Variants in SORBS2 observed in about 807,000 individuals in gnomAD.
SORBS2 encodes the protein sorbin and SH3 domain containing 2.
SORBS2 carries 46 observed loss-of-function variants against 97.7 expected under a neutral mutation model. The ratio of observed to expected loss-of-function variants is 0.47; its 90% CI spans 0.37 to 0.60. SORBS2 has a LOEUF of 0.60. SORBS2 is among the 20% of genes least tolerant of loss of function. The pLI is 0.00. For synonymous variants in SORBS2, 476 were observed against 473.4 expected (o/e 1.01, Z -0.07); for missense variants, 1,316 against 1,282.3 (o/e 1.03, Z -0.40).
chr4:185,774,025 A>G (rs2098987353), intron 2 of SORBS2: 1 of 150,486 alleles, frequency 6.6e-6, no homozygotes, highest in Non-Finnish European at 1.5e-5. Flanking sequence ...TACTCAGACG[A>G]TCCTTATGTG....
intron 1 of SORBS2, among the ~76,000 whole-genome samples, chr4:185,831,787 T>C (rs1002672604): frequency 3.3e-5 from 5 of 152,192 alleles, no homozygotes; most frequent in African/African-American, 9.6e-5. Flanking sequence ...TCTGAGATGT[T>C]ACCAGTGCTT....
In SORBS2 at chr4:185,602,393, ATACAT is replaced by A. The variant is rs369115700; in HGVS notation, c.2797-8463_2797-8459del. Among the ~76,000 whole-genome samples the A allele has an allele frequency of 3.3e-4, 50 of 152,362 alleles. 1 individual carries two copies. The East Asian group carries it at 7.7e-3, about 23-fold the overall frequency. Reference sequence around the variant, plus strand: ...TGGGGGAAATATTGGATTCAGATTTATACATTAAACATAATTTATGTATCTTTCAG... The same window carrying A: ...TGGGGGAAATATTGGATTCAGATTTATAAACATAATTTATGTATCTTTCAG... On this transcript the variant is annotated intron_variant, in intron 12 of 14. Coordinates refer to ENST00000418609, the Ensembl canonical transcript of SORBS2.
intron 1 of SORBS2, among the ~76,000 whole-genome samples, chr4:185,952,809 T>C (rs1181155640): frequency 6.6e-6 from 1 of 152,162 alleles, no homozygotes; most frequent in Non-Finnish European, 1.5e-5. Flanking sequence ...TTTCCTCTAG[T>C]TTATTCCCCT....
intron 1 of SORBS2, among the ~76,000 whole-genome samples, chr4:185,917,589 A>C (rs572178778): frequency 6.6e-6 from 1 of 152,270 alleles, no homozygotes; most frequent in African/African-American, 2.4e-5. Context: ...CACTCTAGTA[A>C]ATTAATCAAA....
chr4:185,794,203 C>A (rs1446945781), intron 1 of SORBS2, among the ~76,000 whole-genome samples: 1 of 151,804 alleles, frequency 6.6e-6, no homozygotes, highest in Admixed American at 6.6e-5. Context: ...TAAAAATAAC[C>A]AGGTAAAGAA....
intron 12 of SORBS2, among the ~76,000 whole-genome samples, chr4:185,600,464 G>A (rs553788171): frequency 6.6e-6 from 1 of 152,146 alleles, no homozygotes; most frequent in East Asian, 1.9e-4. Flanking sequence ...TCAGCCTCCC[G>A]AGTAGCTGGG....
intron 13 of SORBS2, chr4:185,592,120 G>A (rs944314649): frequency 1.3e-5 from 2 of 152,380 alleles, no homozygotes; most frequent in East Asian, 1.9e-4. Flanking sequence ...AAAGAAAGGT[G>A]TCTTTTAAAC....
chr4:185,676,905 G>A (rs540473807), intron 4 of SORBS2: 1 of 992,308 alleles, frequency 1.0e-6, no homozygotes, highest in African/African-American at 1.6e-5. Flanking sequence ...AACTAAGAAA[G>A]CATTAGGTCA....
chr4:185,804,495 G>A (rs969854793), intron 1 of SORBS2, among the ~76,000 whole-genome samples: 2 of 152,158 alleles, frequency 1.3e-5, no homozygotes, highest in African/African-American at 4.8e-5. Flanking sequence ...CTAAGACAAA[G>A]CGATTCAATG....
At chr4:185,683,954 C>A (rs187643221) in intron 2 of SORBS2, among the ~76,000 whole-genome samples, 1 of 152,018 alleles carries the variant, frequency 6.6e-6, no homozygotes, top group Non-Finnish European at 1.5e-5. Context: ...GCTGTAAGAC[C>A]CATTAATCTT....
chr4:185,891,596 C>A (rs1291874630), intron 1 of SORBS2, among the ~76,000 whole-genome samples: 1 of 152,196 alleles, frequency 6.6e-6, no homozygotes. Flanking sequence ...CCACCAATGG[C>A]TCCACTCGGA....
chr4:185,638,597 C>T (rs2097067197), intron 4 of SORBS2, among the ~76,000 whole-genome samples: 1 of 151,682 alleles, frequency 6.6e-6, no homozygotes, highest in African/African-American at 2.4e-5. Flanking sequence ...CTAGCAGTCC[C>T]AGCATGGGAG....
intron 2 of SORBS2, among the ~76,000 whole-genome samples, chr4:185,753,874 T>C (rs1490431058): frequency 2.0e-5 from 3 of 152,178 alleles, no homozygotes; most frequent in African/African-American, 4.8e-5. Flanking sequence ...AGGTCAACCA[T>C]TGTGGAAAGC....
chr4:185,731,615 C>T, intron 2 of SORBS2, among the ~76,000 whole-genome samples: 1 of 102,596 alleles, frequency 9.7e-6, no homozygotes, highest in Non-Finnish European at 1.9e-5. Flanking sequence ...TCTCTCTCTC[C>T]CTCCCTGCCT....
chr4:185,859,528 C>T (rs1287497222), intron 1 of SORBS2, among the ~76,000 whole-genome samples: 2 of 152,168 alleles, frequency 1.3e-5, no homozygotes, highest in Non-Finnish European at 2.9e-5. Context: ...GATCACTCTT[C>T]CCTAAAGCAT....
chr4:185,697,640 G>C (rs2153527591), intron 2 of SORBS2, among the ~76,000 whole-genome samples: 1 of 152,274 alleles, frequency 6.6e-6, no homozygotes, highest in East Asian at 1.9e-4. Context: ...TTTGACAGCT[G>C]ATAGCCGAAA....
chr4:185,697,021 T>C (rs955264), intron 2 of SORBS2, among the ~76,000 whole-genome samples: 54,824 of 152,066 alleles, frequency 0.36, 11,775 homozygotes, highest in South Asian at 0.51. Context: ...CTATAACACA[T>C]GTATAGGCAA....
chr4:185,731,384 T>C (rs2098623388), intron 2 of SORBS2, among the ~76,000 whole-genome samples: 5 of 152,194 alleles, frequency 3.3e-5, no homozygotes, highest in African/African-American at 7.2e-5. Context: ...TCTTGGAATT[T>C]ATTTTTTCAG....
At chr4:185,825,121 G>A (rs1186936188) in intron 1 of SORBS2, among the ~76,000 whole-genome samples, 4 of 152,238 alleles carry the variant, frequency 2.6e-5, no homozygotes, top group African/African-American at 9.6e-5. Context: ...GTAATCTAAA[G>A]CAGTTACTGC....
Sources: allele counts gnomAD v4.1 joint callset (sites outside exome capture counted in the v4.1 genomes callset), GRCh38; gene constraint gnomAD v4.1.1; transcripts MANE v1.5; gene names NCBI Gene and HGNC (gene_info 2026-07-23, HGNC 2026-07-21).